The following ITK variants were observed in gnomAD, a reference collection of about 807,000 sequenced individuals.
The protein encoded by ITK is IL2 inducible T cell kinase.
Under a neutral mutation model 87.6 loss-of-function variants are expected in ITK, and 45 were observed. That is an observed-to-expected ratio of 0.51 (90% CI 0.40 to 0.66). The LOEUF is 0.66. Among genes scored for constraint, ITK ranks in the 30% least tolerant of loss-of-function variants. The pLI is 0.00. For synonymous variants in ITK, 303 were observed against 273.6 expected (o/e 1.11, Z -1.06); for missense variants, 605 against 766.3 (o/e 0.79, Z 2.48).
At chr5:157,211,404 T>C (rs769395752) in intron 3 of ITK, 36 bp downstream of exon 3, 1 of 1,506,482 alleles carries the variant, frequency 6.6e-7, no homozygotes, top group African/African-American at 1.4e-5. Flanking sequence ...TCACTGACAC[T>C]CTTGATCCTA....
At chr5:157,203,783 C>A (rs1004215542) in intron 1 of ITK, among the ~76,000 whole-genome samples, 2 of 152,136 alleles carry the variant, frequency 1.3e-5, no homozygotes, top group Non-Finnish European at 2.9e-5. Flanking sequence ...GAGGCTTTTG[C>A]GGGAAGACAA....
At chr5:157,204,300 C>T (rs1385598022) in intron 1 of ITK, among the ~76,000 whole-genome samples, 1 of 152,218 alleles carries the variant, frequency 6.6e-6, no homozygotes, top group Admixed American at 6.5e-5. Flanking sequence ...TTGGCTCATG[C>T]CTGTAATCCC....
At chr5:157,189,066 A>C (rs1753701445) in intron 1 of ITK, among the ~76,000 whole-genome samples, 1 of 152,170 alleles carries the variant, frequency 6.6e-6, no homozygotes, top group Admixed American at 6.5e-5. Context: ...CTGAAAGCTA[A>C]AAATGTGGGC....
chr5:157,209,328 CAA>C (rs34768868), intron 2 of ITK, among the ~76,000 whole-genome samples: 142 of 122,494 alleles, frequency 1.2e-3, no homozygotes, highest in African/African-American at 2.0e-3. Flanking sequence ...GAGACTCCGT[CAA>C]AAAAAAAAAA....
intron 1 of ITK, among the ~76,000 whole-genome samples, chr5:157,189,203 T>A (rs535047657): frequency 6.6e-6 from 1 of 152,344 alleles, no homozygotes; most frequent in Non-Finnish European, 1.5e-5. Context: ...AATGTGAGGT[T>A]AATGTTTTAT....
chr5:157,197,700 G>A (rs952870782), intron 1 of ITK, among the ~76,000 whole-genome samples: 1 of 152,158 alleles, frequency 6.6e-6, no homozygotes, highest in African/African-American at 2.4e-5. Context: ...CTGTATAGAT[G>A]AACTTTATTA....
Position 157,181,068 on chromosome 5 carries a change from T to A in ITK, c.91T>A (p.Phe31Ile). Residue 31 changes from phenylalanine to isoleucine, a missense_variant, in exon 1 of 17, where the codon TTT (phenylalanine) becomes ATT (isoleucine). By Grantham distance (21) the Phe-to-Ile change is conservative (BLOSUM62 0). Transcript: ENST00000422843. ...TCCCTCGAACTTTAAAGTCCGCTTC[T>A]TTGTGTTAACCAAAGCCAGCCTGGC... is the stretch of plus-strand genomic sequence containing the variant. ...TSPSNFKVRF[F>I]VLTKASLAYF... The A allele has an allele frequency of 6.2e-7, 1 of 1,614,074 alleles. No individual in the cohort carries two copies. Among genetic ancestry groups the A allele is most frequent in the East Asian group, 2.2e-5 (1 of 44,886 alleles).
Position 157,240,110 on chromosome 5 carries a change from C to G in ITK, c.900C>G (p.Asp300Glu). 1 of 1,612,154 alleles carries G rather than the reference C, an allele frequency of 6.2e-7. No individual in the cohort carries two copies. The highest frequency in any genetic ancestry group is 8.5e-7 in the Non-Finnish European group (1 of 1,178,202). Reference sequence around the variant, plus strand: ...ATTATCACATCAAGGAAACAAATGACAATCCTAAGCGATACTATGTGGCTG... The same window carrying G: ...ATTATCACATCAAGGAAACAAATGAGAATCCTAAGCGATACTATGTGGCTG... Reference protein sequence around the residue: ...IKHYHIKETNDNPKRYYVAEK... With the variant: ...IKHYHIKETNENPKRYYVAEK... The change falls in exon 10 of 17, where the codon GAC (aspartate) becomes GAG (glutamate). Residue 300 changes from aspartate (D) to glutamate (E), a missense_variant. By Grantham distance (45) the Asp-to-Glu change is conservative. This residue lies in a region of ITK where 464 missense variants were observed against 578.0 expected (regional missense o/e 0.80). Transcript: ENST00000422843.
chr5:157,210,197 A>G (rs1222449735), intron 2 of ITK, among the ~76,000 whole-genome samples: 1 of 152,046 alleles, frequency 6.6e-6, no homozygotes, highest in Admixed American at 6.6e-5. Context: ...GTTCTACTGA[A>G]CAGAGCTGGT....
chr5:157,188,726 G>A (rs1404316221), intron 1 of ITK, among the ~76,000 whole-genome samples: 1 of 152,294 alleles, frequency 6.6e-6, no homozygotes, highest in Non-Finnish European at 1.5e-5. Context: ...AGACTCAAGC[G>A]ATCCTCTCGA....
intron 1 of ITK, among the ~76,000 whole-genome samples, chr5:157,184,145 A>G (rs55764322): frequency 2.0e-5 from 3 of 151,890 alleles, no homozygotes; most frequent in African/African-American, 7.3e-5. Flanking sequence ...GTGCCTGTCA[A>G]TTTTTTTCCA....
At chr5:157,216,982 C>T (rs1032478687) in intron 4 of ITK, among the ~76,000 whole-genome samples, 4 of 152,108 alleles carry the variant, frequency 2.6e-5, no homozygotes, top group Admixed American at 6.5e-5. Flanking sequence ...AGGAACTCAT[C>T]GTCTACCTAT....
intron 1 of ITK, among the ~76,000 whole-genome samples, chr5:157,191,419 A>T (rs1441075577): frequency 2.6e-5 from 4 of 152,222 alleles, no homozygotes; most frequent in Non-Finnish European, 4.4e-5. Context: ...AGCTTTGATT[A>T]ATCTCAAGAC....
chr5:157,238,791 G>A (rs1156848788), intron 9 of ITK, among the ~76,000 whole-genome samples: 8 of 152,158 alleles, frequency 5.3e-5, no homozygotes, highest in African/African-American at 1.9e-4. Flanking sequence ...CTGCCCCTCT[G>A]TACCTGTTTC....
intron 3 of ITK, among the ~76,000 whole-genome samples, chr5:157,213,016 A>G (rs964800953): frequency 6.6e-6 from 1 of 152,124 alleles, no homozygotes; most frequent in Non-Finnish European, 1.5e-5. Flanking sequence ...ATTCATTGAG[A>G]CAGTGTATTA....
intron 1 of ITK, among the ~76,000 whole-genome samples, chr5:157,204,184 T>A (rs1433291841): frequency 6.6e-6 from 1 of 152,216 alleles, no homozygotes; most frequent in East Asian, 1.9e-4. Flanking sequence ...CTAATTTATG[T>A]AATTTTTTGC....
At chr5:157,203,060 G>A (rs1754006747) in intron 1 of ITK, among the ~76,000 whole-genome samples, 1 of 152,116 alleles carries the variant, frequency 6.6e-6, no homozygotes, top group Non-Finnish European at 1.5e-5. Context: ...TCTCCCAGAT[G>A]GCTCCTGTTC....
Position 157,240,121 on chromosome 5 carries a change from G to A in ITK, c.911G>A (p.Arg304Gln), listed in dbSNP as rs748842677. Residue 304 changes from arginine (R) to glutamine (Q), a missense_variant, in exon 10 of 17, where the codon CGA becomes CAA. By Grantham distance (43) the Arg-to-Gln change is conservative (BLOSUM62 1). This residue lies in a region of ITK where 464 missense variants were observed against 578.0 expected (regional missense o/e 0.80). Transcript: ENST00000422843. ...AAGGAAACAAATGACAATCCTAAGC[G>A]ATACTATGTGGCTGAAAAGTATGTG... is the stretch of plus-strand genomic sequence containing the variant. ...HIKETNDNPKRYYVAEKYVFD... is the reference protein window; with the variant it reads ...HIKETNDNPKQYYVAEKYVFD... The A allele has an allele frequency of 8.1e-6, 13 of 1,613,058 alleles. No individual in the cohort carries two copies. Among genetic ancestry groups the A allele is most frequent in the Admixed American group, 3.3e-5 (2 of 60,014 alleles).
At chr5:157,186,715 G>C (rs1753651785) in intron 1 of ITK, among the ~76,000 whole-genome samples, 1 of 146,580 alleles carries the variant, frequency 6.8e-6, no homozygotes, top group East Asian at 2.0e-4. Flanking sequence ...AGAGAGCCTT[G>C]GCAAGCTTTG....
Sources: gnomAD v4.1 joint callset for allele counts (sites outside exome capture counted in the v4.1 genomes callset) on GRCh38, gnomAD v4.1.1 for gene constraint, gnomAD v4.1.1 regional missense constraint, MANE v1.5 for transcripts, NCBI Gene and HGNC (gene_info 2026-07-23, HGNC 2026-07-21) for gene names.